Variants in MBOAT2 observed in about 807,000 individuals in gnomAD.
MBOAT2 encodes the protein membrane-bound glycerophospholipid O-acyltransferase 2.
A neutral mutation model predicts 63.4 loss-of-function variants in MBOAT2; 28 were observed. The ratio of observed to expected loss-of-function variants is 0.44; its 90% confidence interval spans 0.33 to 0.61. MBOAT2 has a LOEUF of 0.61. MBOAT2 is among the 20% of genes least tolerant of loss of function. MBOAT2 has a pLI of 0.03. For synonymous variants in MBOAT2, 211 were observed against 215.6 expected, an observed-to-expected ratio of 0.98 and a Z score of 0.19; for missense variants, 470 against 605.8, an observed-to-expected ratio of 0.78 and a Z score of 2.35.
At chr2:8,938,927 C>T (rs114224853) in intron 3 of MBOAT2, among the ~76,000 whole-genome samples, 294 of 152,332 alleles carry the variant, frequency 1.9e-3, no homozygotes, top group African/African-American at 6.6e-3. Context: ...CCCTGAGCTA[C>T]TTGCTCCTAG....
chr2:8,936,606 AC>A (rs750239752), intron 3 of MBOAT2, among the ~76,000 whole-genome samples: 9 of 151,990 alleles, frequency 5.9e-5, no homozygotes, highest in Non-Finnish European at 1.2e-4. Context: ...ATATGGTGAA[AC>A]CCCGTCTCTA....
intron 1 of MBOAT2, among the ~76,000 whole-genome samples, chr2:8,988,178 C>T (rs1481980578): frequency 6.6e-6 from 1 of 152,200 alleles, no homozygotes; most frequent in Non-Finnish European, 1.5e-5. Context: ...CAAATCCCCA[C>T]TATTTTGCTT....
At chr2:8,864,148 G>C (rs771727925) in intron 10 of MBOAT2, 22 bp downstream of exon 10, 2 of 1,533,646 alleles carry the variant, frequency 1.3e-6, no homozygotes, top group Non-Finnish European at 1.8e-6. Context: ...CACATCTAAA[G>C]ATCGTTTTTG....
Position 8,877,936 on chromosome 2 carries a change from G to A in MBOAT2, c.507-723C>T, listed in dbSNP as rs538003457. ...AGGGAAGACAGCTGAGGTGAGATCA[G>A]ATGGGGCTTGCCTTACAAGCCATGG... On this transcript the variant is annotated intron_variant, in intron 6 of 12. Transcript: ENST00000305997. Among the ~76,000 whole-genome samples, 6 of 152,338 alleles carry A rather than the reference G, an allele frequency of 3.9e-5. No individual in the cohort carries two copies. In the South Asian group the frequency reaches 8.3e-4, roughly 21 times the overall value.
chr2:8,873,324 C>T (rs1323263464), intron 7 of MBOAT2, 24 bp from the exon 8 acceptor site: 2 of 1,603,712 alleles, frequency 1.2e-6, no homozygotes, highest in African/African-American at 1.3e-5. Flanking sequence ...GGCGAGACTT[C>T]ATCAACTTTA....
chr2:8,938,535 C>T (rs1205881636), intron 3 of MBOAT2, among the ~76,000 whole-genome samples: 1 of 151,632 alleles, frequency 6.6e-6, no homozygotes, highest in African/African-American at 2.4e-5. Context: ...TTCATGCCGC[C>T]ACGTTTCATG....
At chr2:8,997,206 C>T (rs904739011) in intron 1 of MBOAT2, among the ~76,000 whole-genome samples, 19 of 152,164 alleles carry the variant, frequency 1.2e-4, no homozygotes, top group Admixed American at 6.5e-4. Context: ...GGAATCTTAC[C>T]AAGTGCTATC....
chr2:8,996,042 G>C (rs1046001280), intron 1 of MBOAT2, among the ~76,000 whole-genome samples: 1 of 152,222 alleles, frequency 6.6e-6, no homozygotes, highest in Non-Finnish European at 1.5e-5. Flanking sequence ...ACCCTGAGTA[G>C]AGCCTGGGAA....
intron 1 of MBOAT2, among the ~76,000 whole-genome samples, chr2:8,974,080 TG>T (rs925622288): frequency 3.9e-5 from 6 of 152,156 alleles, no homozygotes; most frequent in African/African-American, 1.4e-4. Context: ...AGTACTAAGA[TG>T]AAATGATCTT....
chr2:8,907,276 T>G (rs1665406439), intron 4 of MBOAT2, among the ~76,000 whole-genome samples: 1 of 152,216 alleles, frequency 6.6e-6, no homozygotes, highest in African/African-American at 2.4e-5. Flanking sequence ...TCACTGTATT[T>G]TCAACTTTCT....
At chr2:8,966,734 A>AGTGT (rs1670024278) in intron 1 of MBOAT2, among the ~76,000 whole-genome samples, 3 of 152,230 alleles carry the variant, frequency 2.0e-5, no homozygotes, top group Admixed American at 6.5e-5. Context: ...CCAAATGCAG[A>AGTGT]CTACAATGTA....
intron 9 of MBOAT2, among the ~76,000 whole-genome samples, chr2:8,866,049 AAATAAATAAAT>A (rs1661867577): frequency 6.6e-6 from 1 of 151,982 alleles, no homozygotes; most frequent in Admixed American, 6.6e-5. Context: ...ATAAATAAAT[AAATAAATAAAT>A]AAAACCATAA....
chr2:9,003,601 C>A lies in MBOAT2; in HGVS notation c.14G>T (p.Ser5Ile). The part of the protein sequence containing the change: MATT[S>I]TTGSTLLQPL... ...CTGCAGCAGGGTGGAGCCCGTGGTGCTGGTGGTGGCCATGGCCGGGCCTCG... is the reference window on the plus strand; with the variant it reads ...CTGCAGCAGGGTGGAGCCCGTGGTGATGGTGGTGGCCATGGCCGGGCCTCG... Residue 5 changes from serine (S) to isoleucine (I), a missense_variant, in exon 1 of 13, where the codon AGC becomes ATC. Around this residue, in one of 3 missense-constraint regions of MBOAT2, gnomAD observed 376 missense variants for 503.8 expected, o/e 0.75. Transcript: ENST00000305997. This position sits in a 1 kb window ranked among gnomAD's most constrained non-coding sequence, Gnocchi z 5.4. The A allele has an allele frequency of 8.3e-7, 1 of 1,208,380 alleles. No homozygotes were observed. Among genetic ancestry groups the A allele is most frequent in the Non-Finnish European group, 1.0e-6 (1 of 969,530 alleles). The allele number at this position is 1,208,380 out of a possible 1,614,324, so 74.9% of individuals were successfully genotyped here.
At chr2:8,993,301 T>A (rs1454510893) in intron 1 of MBOAT2, among the ~76,000 whole-genome samples, 1 of 152,226 alleles carries the variant, frequency 6.6e-6, no homozygotes, top group Admixed American at 6.5e-5. Flanking sequence ...AAGGTTTCTA[T>A]CACTCACTTC....
At chr2:8,906,446 T>C (rs1665340141) in intron 4 of MBOAT2, among the ~76,000 whole-genome samples, 1 of 152,156 alleles carries the variant, frequency 6.6e-6, no homozygotes, top group Non-Finnish European at 1.5e-5. Context: ...CAACTTCACC[T>C]AGAGGATTCC....
intron 1 of MBOAT2, among the ~76,000 whole-genome samples, chr2:8,988,284 C>T (rs2103354681): frequency 6.6e-6 from 1 of 152,260 alleles, no homozygotes; most frequent in Middle Eastern, 3.4e-3. Context: ...AAACTACCAC[C>T]ATTTCTGATA....
Position 8,973,538 on chromosome 2 carries a change from A to T in MBOAT2, c.76-14896T>A, listed in dbSNP as rs569836129. Among the ~76,000 whole-genome samples the T allele has an allele frequency of 2.5e-4, 37 of 147,670 alleles. 1 individual carries two copies. The highest frequency in any genetic ancestry group is 7.6e-4 in the African/African-American group (29 of 38,026). On this transcript the variant is annotated intron_variant, in intron 1 of 12. Coordinates refer to ENST00000305997, the MANE Select transcript of MBOAT2 (RefSeq NM_138799.4). ...TATAATAAAAATAAATAAATAAATA[A>T]AAGTAACTCAAGCTAAAAAAAAAAA... is the stretch of plus-strand genomic sequence containing the variant.
chr2:8,919,569 T>G (rs1666426289), intron 3 of MBOAT2, among the ~76,000 whole-genome samples: 1 of 152,180 alleles, frequency 6.6e-6, no homozygotes, highest in African/African-American at 2.4e-5. Flanking sequence ...TTAAATTGGG[T>G]TGTCTTCTTA....
chr2:8,869,462 C>T (rs1662154011), intron 8 of MBOAT2, among the ~76,000 whole-genome samples: 1 of 152,148 alleles, frequency 6.6e-6, no homozygotes. Flanking sequence ...TTCCAATCAA[C>T]TGGAAAATTG....
Sources: gnomAD v4.1 joint callset for allele counts (sites outside exome capture counted in the v4.1 genomes callset) on GRCh38, gnomAD v4.1.1 for gene constraint, gnomAD v4.1.1 regional missense constraint, Gnocchi (gnomAD v3.1) non-coding constraint, MANE v1.5 for transcripts, NCBI Gene and HGNC (gene_info 2026-07-23, HGNC 2026-07-21) for gene names.